Variants in SATB1 observed in about 807,000 individuals in gnomAD.
SATB1 encodes the protein SATB homeobox 1.
Under a neutral mutation model 86.9 loss-of-function variants are expected in SATB1, and 11 were observed. That is an observed-to-expected ratio of 0.13 (90% CI 0.08 to 0.21). The LOEUF is 0.21. Ranked by LOEUF, SATB1 falls within the 10% of genes least tolerant of loss-of-function variation. The pLI is 1.00. For missense variants in SATB1, 551 were observed against 937.6 expected (o/e 0.59, Z 5.39); for synonymous variants, 357 against 357.2 (o/e 1.00, Z 0.01).
chr3:18,353,275 C>T (rs1462135860), intron 9 of SATB1, among the ~76,000 whole-genome samples: 2 of 152,186 alleles, frequency 1.3e-5, no homozygotes, highest in South Asian at 2.1e-4. Context: ...GGACAACTTA[C>T]TCTACCCTTC....
chr3:18,385,288 A>T (rs1696276848), intron 8 of SATB1, among the ~76,000 whole-genome samples: 2 of 152,088 alleles, frequency 1.3e-5, no homozygotes, highest in Non-Finnish European at 1.5e-5. Flanking sequence ...AACTGACCTT[A>T]TTTTTAAGAG....
chr3:18,396,850 G>A (rs183605678), intron 6 of SATB1, among the ~76,000 whole-genome samples: 1 of 152,186 alleles, frequency 6.6e-6, no homozygotes, highest in East Asian at 1.9e-4. Flanking sequence ...CTAAAAGCAA[G>A]ACTTATCAGA....
At position 18,349,734 on chromosome 3, in the gene SATB1, C is replaced by CA; in HGVS notation, c.1780-53dup. On this transcript the variant is annotated intron_variant, in intron 10 of 10. Transcript: ENST00000338745. The surrounding 1 kb of genome is among the most constrained non-coding windows in gnomAD (Gnocchi z 5.5). Reference sequence around the variant, plus strand: ...AGCTCTGCTATCGTGGAGTTCCACACAAAGCCGTCTCCAATCAGGAAAAAT... The same window carrying CA: ...AGCTCTGCTATCGTGGAGTTCCACACAAAAGCCGTCTCCAATCAGGAAAAAT... 1 of 1,533,754 alleles carries CA rather than the reference C, an allele frequency of 6.5e-7. No homozygotes were observed. The highest frequency in any genetic ancestry group is 8.8e-7 in the Non-Finnish European group (1 of 1,141,082).
At position 18,378,297 on chromosome 3, in the gene SATB1, C is replaced by T. The variant is rs868252521; in HGVS notation, c.1448G>A (p.Arg483Lys). The change falls in exon 9 of 11, where the codon AGG becomes AAG. Residue 483 changes from arginine to lysine, a missense_variant. Physicochemically the swap from Arg to Lys is conservative, Grantham distance 26 (BLOSUM62 2). Around this residue, in one of 8 missense-constraint regions of SATB1, gnomAD observed 110 missense variants for 212.2 expected, o/e 0.52. Coordinates refer to ENST00000338745, the MANE Select transcript of SATB1 (RefSeq NM_002971.6). ...QVKTATIATE[R>K]NGKPENNTMN... ...GGTATTGTTCTCTGGTTTCCCATTCCTTTCAGTGGCAATAGTAGCTGTTTT... is the reference window on the plus strand; with the variant it reads ...GGTATTGTTCTCTGGTTTCCCATTCTTTTCAGTGGCAATAGTAGCTGTTTT... 1 of 1,610,532 alleles carries T rather than the reference C, an allele frequency of 6.2e-7. No individual in the cohort carries two copies. Among genetic ancestry groups the T allele is most frequent in the Non-Finnish European group, 8.5e-7 (1 of 1,178,726 alleles).
At chr3:18,360,210 G>A (rs1460424666) in intron 9 of SATB1, among the ~76,000 whole-genome samples, 2 of 152,040 alleles carry the variant, frequency 1.3e-5, no homozygotes, top group Non-Finnish European at 2.9e-5. Context: ...GTAAAGAAAC[G>A]GGTTTAATTA....
At chr3:18,409,637 CA>C (rs1697729918) in intron 5 of SATB1, 1 of 151,940 alleles carries the variant, frequency 6.6e-6, no homozygotes, top group Non-Finnish European at 1.5e-5. Context: ...CAGTGCCTGG[CA>C]AAGCAGATAT....
chr3:18,357,413 CAACT>C (rs1361988614), intron 9 of SATB1, among the ~76,000 whole-genome samples: 1 of 151,774 alleles, frequency 6.6e-6, no homozygotes, highest in South Asian at 2.1e-4. Flanking sequence ...TTTTCAACAA[CAACT>C]AACTATAAAG....
rs767746559 is a variant in SATB1 at position 18,347,780 on chromosome 3, G to A, written c.*1390C>T. On this transcript the variant is annotated 3_prime_UTR_variant, in exon 11 of 11. Coordinates refer to ENST00000338745, the MANE Select transcript of SATB1 (RefSeq NM_002971.6). ...TGAAATTTCATACCTATTTAAAAAT[G>A]AGCATGTGTTTGTGATTTAAATTTA... 7.2e-5 allele frequency: 11 copies of A among 152,104 alleles called. No individual in the cohort carries two copies. Among genetic ancestry groups the A allele is most frequent in the Non-Finnish European group, 1.5e-4 (10 of 68,002 alleles). 9.4% of individuals were successfully genotyped at this position (152,104 alleles called of 1,614,324 possible). A position where few individuals can be genotyped will look rare whatever the true frequency, so the allele number is the denominator to read the frequency against.
chr3:18,355,309 A>G (rs1416244381), intron 9 of SATB1, among the ~76,000 whole-genome samples: 2 of 152,090 alleles, frequency 1.3e-5, no homozygotes, highest in African/African-American at 4.8e-5. Context: ...AATTTATTCT[A>G]ATGCTATTTA....
At chr3:18,351,512 A>G in intron 10 of SATB1, 1 of 804,276 alleles carries the variant, frequency 1.2e-6, no homozygotes, top group South Asian at 1.8e-5. Context: ...AAGGACTGTA[A>G]GGCAAGATTC....
At chr3:18,406,243 T>C (rs1697523711) in intron 5 of SATB1, among the ~76,000 whole-genome samples, 1 of 152,024 alleles carries the variant, frequency 6.6e-6, no homozygotes, top group Non-Finnish European at 1.5e-5. Context: ...TGCATGTTTA[T>C]AGCCTTAAAT....
upstream of SATB1, among the ~76,000 whole-genome samples, chr3:18,439,847 G>A (rs1699190878): frequency 6.6e-6 from 1 of 151,952 alleles, no homozygotes; most frequent in African/African-American, 2.4e-5. Flanking sequence ...GAAAAAGAAA[G>A]GATTTTTATC....
At chr3:18,439,638 A>G (rs920537692), upstream of SATB1, among the ~76,000 whole-genome samples, 8 of 152,120 alleles carry the variant, frequency 5.3e-5, no homozygotes, top group African/African-American at 1.9e-4. Context: ...TATGTAACAG[A>G]TTTGATTTAT....
At chr3:18,363,487 A>G (rs1003975360) in intron 9 of SATB1, among the ~76,000 whole-genome samples, 7 of 152,140 alleles carry the variant, frequency 4.6e-5, no homozygotes, top group Non-Finnish European at 7.4e-5. Context: ...CTTTGCACAG[A>G]CTGTCTCAAT....
In SATB1 at chr3:18,348,981, T is replaced by C; in HGVS notation, c.*189A>G. On this transcript the variant is annotated 3_prime_UTR_variant, in exon 11 of 11. Coordinates refer to ENST00000338745, the MANE Select transcript of SATB1 (RefSeq NM_002971.6). ...GCTTCACCTGGGGCTGCCAAGCAGT[T>C]TGTAAAACAGAGGAAAACATTTAGT... 1.0e-6 allele frequency: 1 copy of C among 993,092 alleles called. No homozygotes were observed. Among genetic ancestry groups the C allele is most frequent in the African/African-American group, 1.6e-5 (1 of 61,156 alleles). 61.5% of individuals were successfully genotyped at this position (993,092 alleles called of 1,614,324 possible). A position where few individuals can be genotyped will look rare whatever the true frequency, so the allele number is the denominator to read the frequency against.
At chr3:18,364,356 A>C (rs1029624529) in intron 9 of SATB1, among the ~76,000 whole-genome samples, 2 of 152,198 alleles carry the variant, frequency 1.3e-5, no homozygotes, top group Non-Finnish European at 2.9e-5. Context: ...ACACTAAATA[A>C]CAAGGTTTAG....
intron 9 of SATB1, among the ~76,000 whole-genome samples, chr3:18,373,333 G>A (rs1376640038): frequency 2.0e-5 from 3 of 152,180 alleles, no homozygotes; most frequent in Non-Finnish European, 4.4e-5. Flanking sequence ...AACTCTTGTT[G>A]TAGCAAAGTC....
chr3:18,364,923 A>C (rs1695106296), intron 9 of SATB1, among the ~76,000 whole-genome samples: 1 of 151,990 alleles, frequency 6.6e-6, no homozygotes, highest in Non-Finnish European at 1.5e-5. Context: ...AGGGGTTCCT[A>C]GACTGTGTCC....
rs1699324330 is a variant in SATB1, at chr3:18,444,391, C to T, written c.-25+1127G>A. On this transcript the variant is annotated intron_variant, in intron 1 of 3. Transcript: ENST00000415069. This position sits in a 1 kb window ranked among gnomAD's most constrained non-coding sequence, Gnocchi z 5.1. ...CCCCCATCCCGACCGCTCTCCCCTA[C>T]TCTACCAGCCCACCCCTCCAAGGTC... Among the ~76,000 whole-genome samples the T allele has an allele frequency of 6.6e-6, 1 of 152,068 alleles. No individual in the cohort carries two copies. Among genetic ancestry groups the T allele is most frequent in the Non-Finnish European group, 1.5e-5 (1 of 67,996 alleles).
Sources: gnomAD v4.1 joint callset for allele counts (sites outside exome capture counted in the v4.1 genomes callset) on GRCh38, gnomAD v4.1.1 for gene constraint, gnomAD v4.1.1 regional missense constraint, Gnocchi (gnomAD v3.1) non-coding constraint, MANE v1.5 for transcripts, NCBI Gene and HGNC (gene_info 2026-07-23, HGNC 2026-07-21) for gene names.